SEL1L2: variants seen among roughly 807,000 people sequenced by gnomAD.
SEL1L2 encodes protein sel-1 homolog 2.
Under a neutral mutation model 98.8 loss-of-function variants are expected in SEL1L2, and 89 were observed. The ratio of observed to expected loss-of-function variants is 0.90; its 90% CI spans 0.76 to 1.07. SEL1L2 has a LOEUF of 1.07. SEL1L2 is among the 50% of genes least tolerant of loss of function. The pLI is 0.00. For missense variants in SEL1L2, 788 were observed against 812.0 expected (o/e 0.97, Z 0.36); for synonymous variants, 262 against 278.5 (o/e 0.94, Z 0.59).
Position 13,887,997 on chromosome 20 carries a change from A to T in SEL1L2, c.608T>A (p.Leu203Gln). 1.9e-6 allele frequency: 3 copies of T among 1,612,626 alleles called. No individual in the cohort carries two copies. Among genetic ancestry groups the T allele is most frequent in the Non-Finnish European group, 2.5e-6 (3 of 1,179,584 alleles). Reference protein sequence around the residue: ...IGMEYDQAKALIYYTFGSAGG... With the variant: ...IGMEYDQAKAQIYYTFGSAGG... ...AGCACTTCCAAAGGTGTAATATATC[A>T]GTGCCTAAAGTAAAAACAAACAAAC... Residue 203 changes from leucine (L) to glutamine (Q), a missense_variant, in exon 7 of 20, where the codon CTG (leucine) becomes CAG (glutamine). By Grantham distance (113) the Leu-to-Gln change is moderately radical. Coordinates refer to ENST00000284951, the MANE Select transcript of SEL1L2 (RefSeq NM_025229.2).
At chr20:13,892,576 ACAC>A (rs1205359651) in intron 5 of SEL1L2, among the ~76,000 whole-genome samples, 2 of 152,212 alleles carry the variant, frequency 1.3e-5, no homozygotes, top group Non-Finnish European at 2.9e-5. Flanking sequence ...AAACAAACAC[ACAC>A]AACTAAAAAC....
Position 13,870,221 on chromosome 20 carries a change from A to G in SEL1L2, c.1105-18T>C. 1 of 1,583,960 alleles carries G rather than the reference A, an allele frequency of 6.3e-7. No homozygotes were observed. ...GCATTGCCCTAGAAGAGTTTTATAA[A>G]GCCAAGTAAAGTCCCAGAAGAATTC... On this transcript the variant is annotated intron_variant, in intron 12 of 19. Transcript: ENST00000284951.
intron 1 of SEL1L2, among the ~76,000 whole-genome samples, chr20:13,966,603 A>T (rs2051055420): frequency 6.6e-6 from 1 of 152,164 alleles, no homozygotes; most frequent in Non-Finnish European, 1.5e-5. Flanking sequence ...TACAGGTGTG[A>T]GCCACTGCGC....
intron 5 of SEL1L2, among the ~76,000 whole-genome samples, chr20:13,905,782 A>G (rs1017078451): frequency 1.3e-5 from 2 of 152,116 alleles, no homozygotes; most frequent in African/African-American, 4.8e-5. Context: ...GAGAAGCTAC[A>G]TAATAGTGAT....
intron 18 of SEL1L2, among the ~76,000 whole-genome samples, chr20:13,853,646 A>T (rs1988671785): frequency 6.6e-6 from 1 of 152,172 alleles, no homozygotes; most frequent in South Asian, 2.1e-4. Context: ...GATACTATTA[A>T]CTTCACTTTG....
upstream of SEL1L2, among the ~76,000 whole-genome samples, chr20:13,993,992 A>AT (rs966674842): frequency 1.1e-4 from 16 of 151,618 alleles, no homozygotes; most frequent in East Asian, 9.7e-4. Context: ...TCCCAAATCT[A>AT]TTTTTTTTCG....
chr20:13,992,458 C>G (rs1461109953), upstream of SEL1L2, among the ~76,000 whole-genome samples: 1 of 152,018 alleles, frequency 6.6e-6, no homozygotes, highest in Non-Finnish European at 1.5e-5. Context: ...GAGCCAAGAT[C>G]GCGCCATTGC....
intron 10 of SEL1L2, among the ~76,000 whole-genome samples, chr20:13,877,845 T>C (rs1034082184): frequency 1.3e-5 from 2 of 152,218 alleles, no homozygotes; most frequent in African/African-American, 4.8e-5. Context: ...GACTTGCTTC[T>C]TACATTTGGA....
chr20:13,885,455 A>C, intron 9 of SEL1L2, 52 bp from the exon 10 acceptor site: 1 of 1,178,242 alleles, frequency 8.5e-7, no homozygotes, highest in Non-Finnish European at 1.3e-6. Context: ...ACTTTAAATA[A>C]AGAAAACATT....
intron 5 of SEL1L2, among the ~76,000 whole-genome samples, chr20:13,908,406 C>G (rs1045651427): frequency 1.3e-5 from 2 of 152,140 alleles, no homozygotes; most frequent in Admixed American, 6.6e-5. Context: ...TCATAGGCGT[C>G]AGCCACCGTG....
At chr20:13,993,800 G>T (rs1273194184), upstream of SEL1L2, among the ~76,000 whole-genome samples, 1 of 152,068 alleles carries the variant, frequency 6.6e-6, no homozygotes, top group East Asian at 1.9e-4. Context: ...CCCATCCTAT[G>T]AAATGTTTTT....
chr20:13,925,327 A>C (rs6135024), intron 3 of SEL1L2, among the ~76,000 whole-genome samples: 1 of 152,166 alleles, frequency 6.6e-6, no homozygotes, highest in Admixed American at 6.5e-5. Flanking sequence ...CTGAGGAAAA[A>C]TTTTATATTG....
intron 10 of SEL1L2, among the ~76,000 whole-genome samples, chr20:13,880,009 A>T (rs546080832): frequency 6.6e-6 from 1 of 152,236 alleles, no homozygotes; most frequent in Admixed American, 6.5e-5. Context: ...TGATTTCATT[A>T]TTGACTTATT....
chr20:13,983,077 AGAAAAAAACACAT>A (rs1210428023), intron 1 of SEL1L2, among the ~76,000 whole-genome samples: 1 of 137,584 alleles, frequency 7.3e-6, no homozygotes, highest in Admixed American at 7.4e-5. Flanking sequence ...GAGTGAAGAG[AGAAAAAAACACAT>A]GATTAGTTTA....
intron 18 of SEL1L2, among the ~76,000 whole-genome samples, chr20:13,853,355 G>T (rs1357543001): frequency 1.3e-5 from 2 of 151,228 alleles, no homozygotes; most frequent in East Asian, 3.9e-4. Flanking sequence ...CTACAAATGT[G>T]TGCCACCATG....
intron 5 of SEL1L2, among the ~76,000 whole-genome samples, chr20:13,906,127 C>T (rs2047920320): frequency 6.6e-6 from 1 of 152,038 alleles, no homozygotes; most frequent in African/African-American, 2.4e-5. Context: ...CTGCCCGCCT[C>T]AGCCTCCCAA....
chr20:13,878,231 T>C (rs2046525759), intron 10 of SEL1L2, among the ~76,000 whole-genome samples: 1 of 152,084 alleles, frequency 6.6e-6, no homozygotes, highest in Non-Finnish European at 1.5e-5. Flanking sequence ...CATCTCGACC[T>C]TCCGGAAAGC....
chr20:13,920,223 G>A (rs1428951790), intron 3 of SEL1L2, among the ~76,000 whole-genome samples: 98 of 69,352 alleles, frequency 1.4e-3, no homozygotes, highest in South Asian at 2.4e-3. Context: ...GCGAGACTCC[G>A]TCCCAAAAAA....
At chr20:13,916,734 AG>A (rs1265282557) in intron 4 of SEL1L2, among the ~76,000 whole-genome samples, 2 of 151,980 alleles carry the variant, frequency 1.3e-5, no homozygotes, top group African/African-American at 4.8e-5. Flanking sequence ...TGAACTGGGG[AG>A]GTGGAGGCTG....
Sources: gnomAD v4.1 joint callset for allele counts (sites outside exome capture counted in the v4.1 genomes callset) on GRCh38, gnomAD v4.1.1 for gene constraint, MANE v1.5 for transcripts, NCBI Gene and HGNC (gene_info 2026-07-23, HGNC 2026-07-21) for gene names.